The following CA10 variants were observed in gnomAD, a reference collection of about 807,000 sequenced individuals.
CA10 encodes the protein carbonic anhydrase-related protein 10.
A neutral mutation model predicts 44.2 loss-of-function variants in CA10; 14 were observed. The observed-to-expected ratio is 0.32, with a 90% CI of 0.21 to 0.50. The LOEUF (loss-of-function observed/expected upper bound fraction) is 0.50, where lower values mean the gene tolerates loss of function less well. CA10 is among the 20% of genes least tolerant of loss of function. CA10 has a pLI of 0.99. For missense variants in CA10, 350 were observed against 409.7 expected (o/e 0.85, Z 1.26); for synonymous variants, 159 against 141.6 (o/e 1.12, Z -0.87).
At chr17:51,881,361 A>G (rs529471853) in intron 3 of CA10, among the ~76,000 whole-genome samples, 3 of 152,214 alleles carry the variant, frequency 2.0e-5, no homozygotes, top group South Asian at 4.1e-4. Flanking sequence ...ATGTTTTTAT[A>G]ATCTTATGCT....
At chr17:51,678,928 A>G (rs967405129) in intron 4 of CA10, among the ~76,000 whole-genome samples, 2 of 152,218 alleles carry the variant, frequency 1.3e-5, no homozygotes, top group African/African-American at 4.8e-5. Context: ...AAGCTTTGGG[A>G]GAGACTAATA....
rs758051454 is a variant in CA10, at chr17:51,823,321, G to A, written c.280-75503C>T. Among the ~76,000 whole-genome samples the A allele has an allele frequency of 3.3e-5, 5 of 152,298 alleles. No individual in the cohort carries two copies. The South Asian group carries it at 6.2e-4, about 19-fold the overall frequency. ...AGCCACGGTGGGTGTATGCACTCAA[G>A]TCACTGCAGTTCAGAGTAAGGAGCA... On this transcript the variant is annotated intron_variant, in intron 3 of 8. Transcript: ENST00000451037.
At chr17:51,818,532 A>G (rs2143755849) in intron 3 of CA10, among the ~76,000 whole-genome samples, 1 of 152,308 alleles carries the variant, frequency 6.6e-6, no homozygotes, top group Admixed American at 6.5e-5. Context: ...CCTCCTAGGA[A>G]GTATGAGCTG....
At chr17:51,781,808 A>C (rs947936540) in intron 3 of CA10, among the ~76,000 whole-genome samples, 1 of 152,222 alleles carries the variant, frequency 6.6e-6, no homozygotes, top group Non-Finnish European at 1.5e-5. Context: ...AATTCTTACT[A>C]TGTGCTAGGC....
chr17:52,033,977 A>C (rs1053876634), intron 2 of CA10, among the ~76,000 whole-genome samples: 1 of 152,236 alleles, frequency 6.6e-6, no homozygotes, highest in East Asian at 1.9e-4. Context: ...GTGAAATCTA[A>C]ACTAGTCAAA....
chr17:51,714,707 G>C (rs778273595), intron 4 of CA10, among the ~76,000 whole-genome samples: 2 of 152,208 alleles, frequency 1.3e-5, no homozygotes, highest in Non-Finnish European at 2.9e-5. Flanking sequence ...AATGTGCTCA[G>C]ATGGAGAGAG....
At chr17:51,915,600 C>G (rs1981963194) in intron 3 of CA10, among the ~76,000 whole-genome samples, 1 of 152,106 alleles carries the variant, frequency 6.6e-6, no homozygotes, top group Non-Finnish European at 1.5e-5. Flanking sequence ...CTTCCTTTCC[C>G]CCATTACATT....
intron 3 of CA10, among the ~76,000 whole-genome samples, chr17:51,799,145 C>T (rs1257375571): frequency 6.6e-6 from 1 of 152,178 alleles, no homozygotes; most frequent in Non-Finnish European, 1.5e-5. Flanking sequence ...CTGCTTTCCC[C>T]AATTCAATAT....
At chr17:51,774,686 C>T (rs1905747745) in intron 3 of CA10, among the ~76,000 whole-genome samples, 1 of 152,234 alleles carries the variant, frequency 6.6e-6, no homozygotes, top group South Asian at 2.1e-4. Context: ...TCAGGGAATC[C>T]ACCTGCCTTG....
intron 2 of CA10, among the ~76,000 whole-genome samples, chr17:51,993,982 A>C (rs1985135083): frequency 6.6e-6 from 1 of 152,112 alleles, no homozygotes; most frequent in Non-Finnish European, 1.5e-5. Flanking sequence ...AAGGCAATAA[A>C]ATAGGTACAT....
At chr17:51,717,801 A>ATACATATATGCATG (rs1916196905) in intron 4 of CA10, among the ~76,000 whole-genome samples, 1 of 53,592 alleles carries the variant, frequency 1.9e-5, no homozygotes, top group African/African-American at 5.9e-5. Context: ...GTATATGTGT[A>ATACATATATGCATG]TATATATACA....
At chr17:51,822,865 G>A (rs1406574703) in intron 3 of CA10, among the ~76,000 whole-genome samples, 1 of 152,134 alleles carries the variant, frequency 6.6e-6, no homozygotes, top group Non-Finnish European at 1.5e-5. Context: ...ACGAATGAAA[G>A]GTCATGATTC....
At chr17:51,847,949 T>C (rs556490732) in intron 3 of CA10, among the ~76,000 whole-genome samples, 45 of 152,312 alleles carry the variant, frequency 3.0e-4, no homozygotes, top group Admixed American at 5.2e-4. Flanking sequence ...TGCAACTTTA[T>C]GTGCACAAAG....
chr17:51,930,155 G>A (rs1470769832), intron 3 of CA10, among the ~76,000 whole-genome samples: 2 of 152,114 alleles, frequency 1.3e-5, no homozygotes, highest in East Asian at 3.9e-4. Flanking sequence ...TGAAGAATCA[G>A]CCGCTGGTAT....
intron 3 of CA10, among the ~76,000 whole-genome samples, chr17:51,812,617 G>T (rs955138732): frequency 6.6e-6 from 1 of 152,218 alleles, no homozygotes; most frequent in African/African-American, 2.4e-5. Flanking sequence ...AAATGTTTAG[G>T]TGATAAGGTA....
chr17:51,639,120 A>T (rs1912967515), intron 6 of CA10, among the ~76,000 whole-genome samples: 1 of 152,152 alleles, frequency 6.6e-6, no homozygotes. Flanking sequence ...GCATGATCAC[A>T]TTTGCACTTA....
intron 6 of CA10, among the ~76,000 whole-genome samples, chr17:51,642,638 T>G (rs752481973): frequency 1.3e-5 from 2 of 152,042 alleles, no homozygotes; most frequent in African/African-American, 2.4e-5. Flanking sequence ...AGCCATATCT[T>G]TTTTTTTCCT....
chr17:51,662,733 T>C (rs1195815021), intron 4 of CA10, among the ~76,000 whole-genome samples: 1 of 152,230 alleles, frequency 6.6e-6, no homozygotes, highest in Admixed American at 6.5e-5. Context: ...TTCTGCATTG[T>C]AGGCTATGGA....
intron 4 of CA10, among the ~76,000 whole-genome samples, chr17:51,699,407 T>C (rs1465244879): frequency 1.3e-5 from 2 of 151,922 alleles, no homozygotes; most frequent in East Asian, 1.9e-4. Context: ...GGAGTCTCCA[T>C]AGTGCTTTCT....
Sources: allele counts gnomAD v4.1 joint callset (sites outside exome capture counted in the v4.1 genomes callset), GRCh38; gene constraint gnomAD v4.1.1; transcripts MANE v1.5; gene names NCBI Gene and HGNC (gene_info 2026-07-23, HGNC 2026-07-21).